The following UBE2E2 variants were observed in gnomAD, a reference collection of about 807,000 sequenced individuals.
The protein encoded by UBE2E2 is ubiquitin conjugating enzyme E2 E2.
In UBE2E2, 6 loss-of-function variants were observed where a neutral mutation model predicts 24.7. That is an observed-to-expected ratio of 0.24 (90% CI 0.13 to 0.48). The LOEUF (loss-of-function observed/expected upper bound fraction) is 0.48. UBE2E2 is among the 20% of genes least tolerant of loss of function. The pLI is 0.99. For missense variants in UBE2E2, 169 were observed against 245.0 expected (o/e 0.69, Z 2.07); for synonymous variants, 104 against 83.6 (o/e 1.24, Z -1.33).
chr3:23,292,854 A>G (rs1698804159), intron 3 of UBE2E2, among the ~76,000 whole-genome samples: 1 of 152,128 alleles, frequency 6.6e-6, no homozygotes, highest in Admixed American at 6.5e-5. Flanking sequence ...TGGGTGGATC[A>G]CCTGGGGTCA....
intron 2 of UBE2E2, among the ~76,000 whole-genome samples, chr3:23,212,909 C>G (rs1696368724): frequency 6.6e-6 from 1 of 152,012 alleles, no homozygotes; most frequent in South Asian, 2.1e-4. Context: ...GAATGAAACT[C>G]TAGACTTCTT....
intron 3 of UBE2E2, among the ~76,000 whole-genome samples, chr3:23,243,582 G>A (rs890667668): frequency 6.6e-6 from 1 of 152,102 alleles, no homozygotes; most frequent in Non-Finnish European, 1.5e-5. Context: ...TTATTGTTAA[G>A]AATAGTACAG....
intron 3 of UBE2E2, among the ~76,000 whole-genome samples, chr3:23,374,853 C>T (rs1696481995): frequency 6.6e-6 from 1 of 152,112 alleles, no homozygotes; most frequent in Admixed American, 6.6e-5. Context: ...ATGCTAGTCT[C>T]AAACTCCTGA....
intron 3 of UBE2E2, among the ~76,000 whole-genome samples, chr3:23,341,192 A>AAT (rs1020575462): frequency 6.6e-6 from 1 of 152,222 alleles, no homozygotes; most frequent in African/African-American, 2.4e-5. Context: ...TACAGACCTA[A>AAT]AGAGCAGACT....
chr3:23,451,171 T>C (rs1698554766), intron 3 of UBE2E2, among the ~76,000 whole-genome samples: 1 of 152,224 alleles, frequency 6.6e-6, no homozygotes, highest in African/African-American at 2.4e-5. Flanking sequence ...GAGGATCCGT[T>C]GAGCCCAGGA....
intron 3 of UBE2E2, among the ~76,000 whole-genome samples, chr3:23,476,948 C>T (rs909663020): frequency 6.6e-6 from 1 of 151,986 alleles, no homozygotes; most frequent in Non-Finnish European, 1.5e-5. Flanking sequence ...GTGTTAAGTT[C>T]CTTATTGTTT....
intron 4 of UBE2E2, among the ~76,000 whole-genome samples, chr3:23,502,936 G>A (rs1235011366): frequency 1.3e-5 from 2 of 152,056 alleles, no homozygotes; most frequent in Non-Finnish European, 2.9e-5. Context: ...CTTCAGCTGA[G>A]TATTTAACCA....
intron 3 of UBE2E2, among the ~76,000 whole-genome samples, chr3:23,304,307 T>C (rs995065021): frequency 6.6e-6 from 1 of 152,210 alleles, no homozygotes; most frequent in Non-Finnish European, 1.5e-5. Context: ...ACTGTTTTTT[T>C]CCACATTATT....
At chr3:23,352,731 G>A (rs1695794566) in intron 3 of UBE2E2, among the ~76,000 whole-genome samples, 1 of 152,064 alleles carries the variant, frequency 6.6e-6, no homozygotes, top group Non-Finnish European at 1.5e-5. Context: ...CTGAAATTGT[G>A]GCAATAATCA....
At chr3:23,256,222 T>C (rs538545139) in intron 3 of UBE2E2, among the ~76,000 whole-genome samples, 3 of 152,350 alleles carry the variant, frequency 2.0e-5, no homozygotes, top group Non-Finnish European at 2.9e-5. Flanking sequence ...TAGTGCATTA[T>C]GGGAAAGACT....
In UBE2E2 at chr3:23,469,597, AATAAATAAAGC is replaced by A. The variant is rs150530566; in HGVS notation, c.228-30009_228-29999del. On this transcript the variant is annotated intron_variant, in intron 3 of 5. Coordinates refer to ENST00000396703, the MANE Select transcript of UBE2E2 (RefSeq NM_152653.4). ...TGCTTAAATGATAAAGTATCTCAGT[AATAAATAAAGC>A]AGAGTTGAACCTGCCAAGTTGACCG... 6.6e-4 allele frequency among the ~76,000 whole-genome samples: 100 copies of A among 152,362 alleles called. 1 individual carries two copies. In the East Asian group the frequency reaches 0.015, roughly 22 times the overall value.
At chr3:23,510,159 C>G (rs543806275) in intron 4 of UBE2E2, among the ~76,000 whole-genome samples, 1 of 152,204 alleles carries the variant, frequency 6.6e-6, no homozygotes, top group Admixed American at 6.5e-5. Context: ...TCCTAGTTTG[C>G]AGCTGTCCAA....
chr3:23,568,720 CATATATATGTATACATATATAT>C (rs1405288773), intron 5 of UBE2E2, among the ~76,000 whole-genome samples: 1 of 133,168 alleles, frequency 7.5e-6, no homozygotes, highest in Non-Finnish European at 1.6e-5. Flanking sequence ...TGTATATACA[CATATATATGTATACATATATAT>C]ATATATATGT....
chr3:23,573,354 A>G (rs79416710), intron 5 of UBE2E2, among the ~76,000 whole-genome samples: 1 of 152,206 alleles, frequency 6.6e-6, no homozygotes, highest in Admixed American at 6.5e-5. Flanking sequence ...AGAAAGATGG[A>G]CTGCTTTGAA....
At chr3:23,390,703 T>C (rs1696913852) in intron 3 of UBE2E2, among the ~76,000 whole-genome samples, 1 of 152,310 alleles carries the variant, frequency 6.6e-6, no homozygotes, top group African/African-American at 2.4e-5. Flanking sequence ...CCAAAAGCAC[T>C]TCTGCACCTG....
intron 3 of UBE2E2, among the ~76,000 whole-genome samples, chr3:23,375,078 T>C (rs2125343994): frequency 6.6e-6 from 1 of 151,922 alleles, no homozygotes; most frequent in African/African-American, 2.4e-5. Context: ...TATCATGAGA[T>C]ATAAAAAAAA....
chr3:23,364,071 A>G (rs1696196474), intron 3 of UBE2E2, among the ~76,000 whole-genome samples: 1 of 152,206 alleles, frequency 6.6e-6, no homozygotes, highest in Non-Finnish European at 1.5e-5. Context: ...ATTAAGGCAG[A>G]AACCAAGTAC....
At chr3:23,539,979 T>C (rs1013973976) in intron 5 of UBE2E2, among the ~76,000 whole-genome samples, 1 of 152,170 alleles carries the variant, frequency 6.6e-6, no homozygotes, top group African/African-American at 2.4e-5. Context: ...AAAATGGTTA[T>C]TATAAGTCCC....
intron 3 of UBE2E2, among the ~76,000 whole-genome samples, chr3:23,245,068 T>C (rs1233384898): frequency 3.9e-5 from 6 of 152,116 alleles, no homozygotes; most frequent in Non-Finnish European, 8.8e-5. Flanking sequence ...AGAATATCCT[T>C]TGGGCTTATT....
Sources: allele counts gnomAD v4.1 joint callset (sites outside exome capture counted in the v4.1 genomes callset), GRCh38; gene constraint gnomAD v4.1.1; transcripts MANE v1.5; gene names NCBI Gene and HGNC (gene_info 2026-07-23, HGNC 2026-07-21).